The following DACH2 variants were observed in gnomAD, a reference collection of about 807,000 sequenced individuals.
DACH2 encodes dachshund family transcription factor 2.
DACH2 carries 17 observed loss-of-function variants against 35.8 expected under a neutral mutation model. The ratio of observed to expected loss-of-function variants is 0.48; its 90% confidence interval spans 0.33 to 0.71. The LOEUF (loss-of-function observed/expected upper bound fraction) is 0.71. Ranked by LOEUF, DACH2 falls within the 30% of genes least tolerant of loss-of-function variation. The probability of loss-of-function intolerance (pLI) is 0.02; values close to 1 mark genes in which losing one functional copy is unlikely to be tolerated. For synonymous variants in DACH2, 195 were observed against 177.3 expected (o/e 1.10, Z -0.79); for missense variants, 469 against 472.7 (o/e 0.99, Z 0.07).
chrX:86,809,358 T>C (rs1329084699), intron 7 of DACH2, among the ~76,000 whole-genome samples: 1 of 111,551 alleles, frequency 9.0e-6, no homozygotes, highest in East Asian at 2.8e-4. Flanking sequence ...AATTAGGATT[T>C]TTCAACCCTA....
At chrX:86,583,918 A>G (rs2039535338) in intron 3 of DACH2, among the ~76,000 whole-genome samples, 1 of 110,266 alleles carries the variant, frequency 9.1e-6, no homozygotes, top group Non-Finnish European at 1.9e-5. Context: ...TGGTTTGGTT[A>G]TGAGAGTAAT....
intron 2 of DACH2, among the ~76,000 whole-genome samples, chrX:86,493,268 A>G (rs2038120098): frequency 8.9e-6 from 1 of 111,809 alleles, no homozygotes; most frequent in Non-Finnish European, 1.9e-5. Context: ...TAAATGAATC[A>G]TGAACAGTAC....
intron 3 of DACH2, among the ~76,000 whole-genome samples, chrX:86,624,060 C>CAAAAAAAAAAAAAAAAAAA (rs34140706): frequency 2.8e-5 from 1 of 36,047 alleles, no homozygotes; most frequent in Non-Finnish European, 5.0e-5. Context: ...AAAAACAAAA[C>CAAAAAAAAAAAAAAAAAAA]AAAAAAAAAA....
intron 1 of DACH2, among the ~76,000 whole-genome samples, chrX:86,277,906 T>C (rs1427729932): frequency 3.6e-5 from 4 of 111,365 alleles, no homozygotes; most frequent in African/African-American, 1.3e-4. Flanking sequence ...AAAAAAATTG[T>C]CATTTTGAAA....
At chrX:86,458,286 G>A (rs1234885722) in intron 2 of DACH2, among the ~76,000 whole-genome samples, 4 of 111,717 alleles carry the variant, frequency 3.6e-5, no homozygotes, top group African/African-American at 9.8e-5. Context: ...CAAGTCAAAA[G>A]TCATTCTTCA....
At chrX:86,555,944 T>C (rs1294891292) in intron 3 of DACH2, among the ~76,000 whole-genome samples, 1 of 111,337 alleles carries the variant, frequency 9.0e-6, no homozygotes, top group African/African-American at 3.3e-5. Flanking sequence ...AATGCCGGCA[T>C]CTAAAATATC....
chrX:86,358,598 C>G (rs1441739535), intron 1 of DACH2, among the ~76,000 whole-genome samples: 3 of 110,497 alleles, frequency 2.7e-5, no homozygotes, highest in Non-Finnish European at 3.8e-5. Context: ...TGCTGGGGAG[C>G]AAACTCAGCA....
intron 1 of DACH2, among the ~76,000 whole-genome samples, chrX:86,166,553 A>G (rs1432338921): frequency 2.7e-5 from 3 of 110,922 alleles, no homozygotes; most frequent in Non-Finnish European, 1.9e-5. Flanking sequence ...GCTGCCCTTT[A>G]TATTTTTCTC....
Position 86,680,711 on chromosome X carries a change from T to A in DACH2, c.773-14310T>A, listed in dbSNP as rs145599540. Among the ~76,000 whole-genome samples, 514 of 104,927 alleles carry A rather than the reference T, an allele frequency of 4.9e-3. 3 individuals are homozygous for A. The highest frequency in any genetic ancestry group is 0.017 in the African/African-American group (489 of 28,370). The allele number at this position is 104,927 out of a possible 115,157, so 91.1% of individuals were successfully genotyped here. A position where few individuals can be genotyped will look rare whatever the true frequency, so the allele number is the denominator to read the frequency against. ...CTCTGTCATCCAGGCTGGAGTGCAGTGGTGAGATCATAGCTCACTGCAGCC... is the reference window on the plus strand; with the variant it reads ...CTCTGTCATCCAGGCTGGAGTGCAGAGGTGAGATCATAGCTCACTGCAGCC... On this transcript the variant is annotated intron_variant, in intron 4 of 11. Coordinates refer to ENST00000373125, the MANE Select transcript of DACH2 (RefSeq NM_053281.3).
At chrX:86,800,772 C>T (rs182916792) in intron 7 of DACH2, among the ~76,000 whole-genome samples, 4 of 111,221 alleles carry the variant, frequency 3.6e-5, no homozygotes, top group South Asian at 7.6e-4. Context: ...TGGGTTCAAG[C>T]GATTCTCCTG....
intron 5 of DACH2, among the ~76,000 whole-genome samples, chrX:86,697,468 A>T (rs1477324064): frequency 9.0e-6 from 1 of 111,353 alleles, no homozygotes; most frequent in Admixed American, 9.6e-5. Context: ...CTGGCTTTAA[A>T]CGAAAAAAAA....
chrX:86,564,443 C>T (rs765362330), intron 3 of DACH2, among the ~76,000 whole-genome samples: 1 of 103,653 alleles, frequency 9.6e-6, no homozygotes, highest in African/African-American at 3.8e-5. Context: ...ACAGTTTAAT[C>T]TAGACCTAAT....
Position 86,554,382 on chromosome X carries a change from G to A in DACH2, c.640+39991G>A, listed in dbSNP as rs1396298756. Among the ~76,000 whole-genome samples the A allele has an allele frequency of 4.5e-5, 5 of 111,492 alleles. No individual in the cohort carries two copies. The East Asian group carries it at 1.4e-3, about 31-fold the overall frequency. On this transcript the variant is annotated intron_variant, in intron 3 of 11. Coordinates refer to ENST00000373125, the MANE Select transcript of DACH2 (RefSeq NM_053281.3). ...GTCTCAAGATTTTAAATGGTCACTC[G>A]TTTTATTATTAAGTTGTTTGTCATG...
chrX:86,635,328 TAAAAAA>T lies in DACH2; in HGVS notation c.641-15694_641-15689del, dbSNP rs77223425. Among the ~76,000 whole-genome samples the T allele has an allele frequency of 1.2e-4, 10 of 86,193 alleles. No individual in the cohort carries two copies. In the East Asian group the frequency reaches 3.7e-3, roughly 32 times the overall value. 74.8% of individuals were successfully genotyped at this position (86,193 alleles called of 115,157 possible). On this transcript the variant is annotated intron_variant, in intron 3 of 11. Transcript: ENST00000373125. ...GATAAAATTTAACACTCCATAGTGT[TAAAAAA>T]AAAAAAAAAAAAACCTCTCAAACTA...
chrX:86,814,979 T>A, intron 10 of DACH2, 145 bp downstream of exon 10: 1 of 645,164 alleles, frequency 1.5e-6, no homozygotes, highest in Non-Finnish European at 2.2e-6. Flanking sequence ...CAGGAATGAT[T>A]AAAAAATCAA....
rs757908222 is a variant in DACH2 at position 86,819,760 on chromosome X, A to C, written c.1750+3661A>C. ...CACTTGGAGACCTAAAAACCCTCTCAGTTTCTCAGATTCCCTGTTTGCACA... is the reference window on the plus strand; with the variant it reads ...CACTTGGAGACCTAAAAACCCTCTCCGTTTCTCAGATTCCCTGTTTGCACA... On this transcript the variant is annotated intron_variant, in intron 11 of 11. Coordinates refer to ENST00000373125, the MANE Select transcript of DACH2 (RefSeq NM_053281.3). 7.2e-5 allele frequency among the ~76,000 whole-genome samples: 8 copies of C among 111,454 alleles called. No individual in the cohort carries two copies. In the East Asian group the frequency reaches 2.3e-3, roughly 32 times the overall value.
At chrX:86,329,539 G>T (rs758978053) in intron 1 of DACH2, among the ~76,000 whole-genome samples, 14 of 108,577 alleles carry the variant, frequency 1.3e-4, no homozygotes, top group Non-Finnish European at 2.7e-4. Flanking sequence ...ACATGGTTCA[G>T]CTCTCAGCAT....
At chrX:86,789,580 A>T (rs16980623) in intron 7 of DACH2, among the ~76,000 whole-genome samples, 20,478 of 111,125 alleles carry the variant, frequency 0.18, 1,507 homozygotes, top group South Asian at 0.41. Context: ...GTTCTAAATC[A>T]TTGTGTTTAT....
At chrX:86,274,004 G>A (rs1015059205) in intron 1 of DACH2, among the ~76,000 whole-genome samples, 36 of 111,749 alleles carry the variant, frequency 3.2e-4, no homozygotes, top group African/African-American at 1.2e-3. Flanking sequence ...TTATTTGCAT[G>A]CATTCTGTGC....
Sources: gnomAD v4.1 joint callset for allele counts (sites outside exome capture counted in the v4.1 genomes callset) on GRCh38, gnomAD v4.1.1 for gene constraint, MANE v1.5 for transcripts, NCBI Gene and HGNC (gene_info 2026-07-23, HGNC 2026-07-21) for gene names.